Variants in CSMD1 observed in about 807,000 individuals in gnomAD.
CSMD1 encodes CUB and Sushi multiple domains 1, also known as CUB and sushi domain-containing protein 1.
In CSMD1, 213 loss-of-function variants were observed where a neutral mutation model predicts 417.5. The observed-to-expected ratio is 0.51, with a 90% confidence interval of 0.46 to 0.57. The LOEUF is 0.57. CSMD1 is among the 20% of genes least tolerant of loss of function. The pLI is 0.00. For missense variants in CSMD1, 6,923 were observed against 4,529.7 expected, an observed-to-expected ratio of 1.53 and a Z score of -15.17; for synonymous variants, 2,862 against 1,736.8, an observed-to-expected ratio of 1.65 and a Z score of -16.11.
At chr8:3,648,980 G>C (rs1434855433) in intron 7 of CSMD1, among the ~76,000 whole-genome samples, 3 of 152,080 alleles carry the variant, frequency 2.0e-5, no homozygotes, top group South Asian at 2.1e-4. Context: ...CATGGTGTTT[G>C]AGATTCTCTT....
intron 37 of CSMD1, among the ~76,000 whole-genome samples, chr8:3,179,027 A>G (rs1029750513): frequency 6.7e-6 from 1 of 150,150 alleles, no homozygotes; most frequent in African/African-American, 2.5e-5. Flanking sequence ...GGCTCACTGC[A>G]AGCTCTGCCT....
intron 26 of CSMD1, among the ~76,000 whole-genome samples, chr8:3,244,312 C>G (rs868539362): frequency 6.6e-6 from 1 of 152,102 alleles, no homozygotes. Flanking sequence ...AGTCAGGCTG[C>G]GGCAATTTAG....
intron 12 of CSMD1, among the ~76,000 whole-genome samples, chr8:3,436,147 T>C (rs7008537): frequency 0.55 from 82,881 of 151,938 alleles, 22,973 homozygotes; most frequent in East Asian, 0.72. Context: ...TTTTTCTTTA[T>C]TGAATTTATT....
At chr8:4,799,773 T>C (rs11136778) in intron 1 of CSMD1, among the ~76,000 whole-genome samples, 62,723 of 151,606 alleles carry the variant, frequency 0.41, 14,149 homozygotes, top group Non-Finnish European at 0.51. Flanking sequence ...ATTTTACGTA[T>C]AGGAATGTCT....
intron 3 of CSMD1, among the ~76,000 whole-genome samples, chr8:4,412,893 T>G (rs1402454985): frequency 1.3e-5 from 2 of 152,102 alleles, no homozygotes; most frequent in African/African-American, 4.8e-5. Flanking sequence ...AAGAAAGACA[T>G]AAGATAACTG....
At chr8:4,617,709 C>G (rs1048397006) in intron 2 of CSMD1, among the ~76,000 whole-genome samples, 2 of 152,148 alleles carry the variant, frequency 1.3e-5, no homozygotes, top group Non-Finnish European at 2.9e-5. Flanking sequence ...TTCTTCATCA[C>G]TCCACTTATT....
chr8:4,422,243 C>T (rs554286377), intron 2 of CSMD1, among the ~76,000 whole-genome samples: 2 of 152,190 alleles, frequency 1.3e-5, no homozygotes, highest in South Asian at 4.1e-4. Context: ...TACACAGTCT[C>T]TTCCAGAAAG....
At chr8:3,743,669 G>A (rs1214757456) in intron 6 of CSMD1, among the ~76,000 whole-genome samples, 4 of 152,080 alleles carry the variant, frequency 2.6e-5, no homozygotes, top group Admixed American at 2.6e-4. Flanking sequence ...AAGATGAAAA[G>A]CTCCACACTT....
At chr8:3,442,323 T>G (rs1207402262) in intron 12 of CSMD1, among the ~76,000 whole-genome samples, 1 of 152,194 alleles carries the variant, frequency 6.6e-6, no homozygotes. Flanking sequence ...TACAGCAGTG[T>G]ATGGTAATGT....
chr8:4,147,752 C>A (rs1053255116), intron 3 of CSMD1, among the ~76,000 whole-genome samples: 1 of 152,094 alleles, frequency 6.6e-6, no homozygotes, highest in Non-Finnish European at 1.5e-5. Flanking sequence ...CAACCCCCGG[C>A]AAGCCATGGA....
intron 6 of CSMD1, among the ~76,000 whole-genome samples, chr8:3,710,190 A>G (rs1323395166): frequency 6.6e-6 from 1 of 152,078 alleles, no homozygotes; most frequent in Non-Finnish European, 1.5e-5. Context: ...TAATTGTCGC[A>G]AATTTCCAAA....
chr8:3,779,026 T>C (rs34402072), intron 5 of CSMD1, among the ~76,000 whole-genome samples: 22,582 of 152,186 alleles, frequency 0.15, 1,981 homozygotes, highest in Middle Eastern at 0.21. Context: ...ACCAGAATAT[T>C]TGCATGATCA....
intron 2 of CSMD1, among the ~76,000 whole-genome samples, chr8:4,506,047 T>C (rs1016834409): frequency 3.3e-5 from 5 of 152,040 alleles, no homozygotes; most frequent in Non-Finnish European, 7.4e-5. Context: ...TTTTTGAACA[T>C]CTAACATGTA....
chr8:4,672,816 A>AAC lies in CSMD1; in HGVS notation c.86-35260_86-35259dup, dbSNP rs374959695. ...CTTACACTCACATGCATGGTAACAA[A>AAC]ACACACACACACACTCCCGTATGTA... is the stretch of plus-strand genomic sequence containing the variant. On this transcript the variant is annotated intron_variant, in intron 1 of 69. Coordinates refer to ENST00000635120, the MANE Select transcript of CSMD1 (RefSeq NM_033225.6). Among the ~76,000 whole-genome samples the AAC allele has an allele frequency of 6.9e-3, 1,055 of 152,058 alleles. 9 individuals are homozygous for AAC. Among genetic ancestry groups the AAC allele is most frequent in the Middle Eastern group, 0.027 (8 of 294 alleles).
chr8:4,662,896 G>C (rs1804688889), intron 1 of CSMD1, among the ~76,000 whole-genome samples: 3 of 152,112 alleles, frequency 2.0e-5, no homozygotes, highest in Admixed American at 6.6e-5. Flanking sequence ...AAATGAGTTA[G>C]CCAAAAGACA....
intron 3 of CSMD1, among the ~76,000 whole-genome samples, chr8:4,136,256 G>C (rs542388594): frequency 4.0e-4 from 61 of 152,324 alleles, no homozygotes; most frequent in African/African-American, 6.5e-4. Flanking sequence ...TTGACAGATT[G>C]TAACTTGAAC....
chr8:3,888,261 A>G (rs1466413979), intron 5 of CSMD1, among the ~76,000 whole-genome samples: 1 of 152,192 alleles, frequency 6.6e-6, no homozygotes, highest in African/African-American at 2.4e-5. Flanking sequence ...TCTGCTAAAT[A>G]CACCCAAATG....
At chr8:3,474,058 G>A (rs571433623) in intron 11 of CSMD1, among the ~76,000 whole-genome samples, 50 of 152,114 alleles carry the variant, frequency 3.3e-4, no homozygotes, top group African/African-American at 1.1e-3. Context: ...CAACACATGG[G>A]GATTATAGAG....
intron 5 of CSMD1, among the ~76,000 whole-genome samples, chr8:3,820,570 T>C (rs758317030): frequency 6.6e-5 from 10 of 152,120 alleles, no homozygotes; most frequent in Non-Finnish European, 1.2e-4. Context: ...TGTGTTTTTG[T>C]TTTTGTTGTT....
Sources: gnomAD v4.1 joint callset for allele counts (sites outside exome capture counted in the v4.1 genomes callset) on GRCh38, gnomAD v4.1.1 for gene constraint, MANE v1.5 for transcripts, NCBI Gene and HGNC (gene_info 2026-07-23, HGNC 2026-07-21) for gene names.